The following LRMDA variants were observed in gnomAD, a reference collection of about 807,000 sequenced individuals.
The protein encoded by LRMDA is leucine-rich melanocyte differentiation-associated protein.
A neutral mutation model predicts 29.8 loss-of-function variants in LRMDA; 18 were observed. The observed-to-expected ratio is 0.60, with a 90% CI of 0.42 to 0.90. The LOEUF (loss-of-function observed/expected upper bound fraction) is 0.90, where lower values mean the gene tolerates loss of function less well. Ranked by LOEUF, LRMDA falls within the 40% of genes least tolerant of loss-of-function variation. The probability of loss-of-function intolerance (pLI) is 0.00; values close to 1 mark genes in which losing one functional copy is unlikely to be tolerated. For missense variants in LRMDA, 273 were observed against 273.9 expected (o/e 1.00, Z 0.02); for synonymous variants, 125 against 109.4 (o/e 1.14, Z -0.89).
At chr10:76,172,939 T>G (rs1283099453) in intron 5 of LRMDA, among the ~76,000 whole-genome samples, 1 of 151,990 alleles carries the variant, frequency 6.6e-6, no homozygotes, top group African/African-American at 2.4e-5. Context: ...GGAGAAAAAT[T>G]TGATCAATAG....
chr10:75,739,858 A>G (rs1027848553), intron 2 of LRMDA, among the ~76,000 whole-genome samples: 2 of 152,356 alleles, frequency 1.3e-5, no homozygotes, highest in South Asian at 2.1e-4. Context: ...ATTTACCACT[A>G]GATAAATAAG....
chr10:76,537,615 G>A (rs1426918863), intron 6 of LRMDA, among the ~76,000 whole-genome samples: 1 of 152,066 alleles, frequency 6.6e-6, no homozygotes, highest in Non-Finnish European at 1.5e-5. Flanking sequence ...CCGCTCTGAC[G>A]GCTTTTCCAT....
intron 2 of LRMDA, among the ~76,000 whole-genome samples, chr10:75,688,309 A>G (rs1383283342): frequency 6.6e-6 from 1 of 152,250 alleles, no homozygotes; most frequent in African/African-American, 2.4e-5. Flanking sequence ...AGGAATCATA[A>G]AATACCAACA....
At chr10:75,632,782 GTTTTT>G (rs386371855) in intron 2 of LRMDA, among the ~76,000 whole-genome samples, 2 of 43,256 alleles carry the variant, frequency 4.6e-5, no homozygotes, top group South Asian at 8.2e-4. Context: ...GTTTAGTTTA[GTTTTT>G]TTTTTTTTTT....
At chr10:75,678,564 T>C (rs190367429) in intron 2 of LRMDA, among the ~76,000 whole-genome samples, 38 of 152,324 alleles carry the variant, frequency 2.5e-4, no homozygotes, top group African/African-American at 9.1e-4. Flanking sequence ...TTTATGAAGG[T>C]AATTCGATTT....
At chr10:76,367,290 T>C (rs982695347) in intron 6 of LRMDA, among the ~76,000 whole-genome samples, 1 of 152,224 alleles carries the variant, frequency 6.6e-6, no homozygotes, top group African/African-American at 2.4e-5. Context: ...AGAGGGTTCC[T>C]TCTTTCTCTA....
intron 6 of LRMDA, among the ~76,000 whole-genome samples, chr10:76,365,085 C>CACACACACATATATAT (rs1272382582): frequency 1.4e-5 from 1 of 69,726 alleles, no homozygotes; most frequent in African/African-American, 4.4e-5. Context: ...CACACACACA[C>CACACACACATATATAT]ATATATATAT....
chr10:75,841,300 G>A (rs1341880350), intron 2 of LRMDA, among the ~76,000 whole-genome samples: 1 of 152,218 alleles, frequency 6.6e-6, no homozygotes, highest in Admixed American at 6.5e-5. Context: ...TTGAGTAGCT[G>A]TGGATCTCCT....
intron 5 of LRMDA, among the ~76,000 whole-genome samples, chr10:76,290,222 G>A (rs1376532414): frequency 2.6e-5 from 4 of 151,912 alleles, no homozygotes; most frequent in African/African-American, 9.7e-5. Flanking sequence ...TGAGTCAGCT[G>A]GTTTAAAGAG....
chr10:76,493,072 G>T (rs985998641), intron 6 of LRMDA, among the ~76,000 whole-genome samples: 2 of 151,986 alleles, frequency 1.3e-5, no homozygotes, highest in Non-Finnish European at 2.9e-5. Flanking sequence ...CAATCAGCAG[G>T]TATAAATCCA....
At chr10:76,485,176 A>T (rs1307306213) in intron 6 of LRMDA, among the ~76,000 whole-genome samples, 1 of 151,852 alleles carries the variant, frequency 6.6e-6, no homozygotes, top group East Asian at 1.9e-4. Flanking sequence ...CCATGTTTGT[A>T]ACTTTTCCAC....
At chr10:75,944,333 C>G (rs2132412999) in intron 2 of LRMDA, among the ~76,000 whole-genome samples, 2 of 152,080 alleles carry the variant, frequency 1.3e-5, no homozygotes, top group Middle Eastern at 6.8e-3. Context: ...AATATTTTCT[C>G]CTTATCTTTG....
At chr10:76,048,479 A>G (rs1236350093) in intron 4 of LRMDA, among the ~76,000 whole-genome samples, 1 of 152,000 alleles carries the variant, frequency 6.6e-6, no homozygotes, top group African/African-American at 2.4e-5. Flanking sequence ...TGTTTTTTCT[A>G]TTGTAACTGG....
intron 1 of LRMDA, 104 bp downstream of exon 1, chr10:75,431,858 C>T (rs900847757): frequency 6.6e-5 from 74 of 1,126,516 alleles, no homozygotes; most frequent in Non-Finnish European, 7.5e-5. Context: ...GTCCCCGCCT[C>T]AGGGGGCTGC....
intron 2 of LRMDA, among the ~76,000 whole-genome samples, chr10:76,032,465 G>C (rs932510455): frequency 6.6e-6 from 1 of 152,262 alleles, no homozygotes; most frequent in Non-Finnish European, 1.5e-5. Context: ...GTTAATTACA[G>C]TGGAAACTTA....
intron 6 of LRMDA, among the ~76,000 whole-genome samples, chr10:76,421,988 G>C (rs1489879734): frequency 6.6e-6 from 1 of 152,138 alleles, no homozygotes; most frequent in Non-Finnish European, 1.5e-5. Flanking sequence ...AGTCCAGTTA[G>C]GGATTTATTC....
intron 2 of LRMDA, among the ~76,000 whole-genome samples, chr10:76,003,157 AG>A (rs1428862680): frequency 6.6e-6 from 1 of 152,140 alleles, no homozygotes; most frequent in East Asian, 1.9e-4. Context: ...CAGAACAGGG[AG>A]CGCCACCCCT....
intron 2 of LRMDA, among the ~76,000 whole-genome samples, chr10:75,915,872 G>A (rs986634884): frequency 6.6e-6 from 1 of 152,164 alleles, no homozygotes; most frequent in Non-Finnish European, 1.5e-5. Context: ...CATAAAATTG[G>A]CCACCGTTCC....
intron 6 of LRMDA, among the ~76,000 whole-genome samples, chr10:76,431,084 T>C (rs777740704): frequency 6.6e-6 from 1 of 152,206 alleles, no homozygotes; most frequent in Non-Finnish European, 1.5e-5. Context: ...TTCAAGGCTT[T>C]GGTTTCTGGT....
Sources: gnomAD v4.1 joint callset for allele counts (sites outside exome capture counted in the v4.1 genomes callset) on GRCh38, gnomAD v4.1.1 for gene constraint, MANE v1.5 for transcripts, NCBI Gene and HGNC (gene_info 2026-07-23, HGNC 2026-07-21) for gene names.